The following ROBO2 variants were observed in gnomAD, a reference collection of about 807,000 sequenced individuals.
ROBO2 encodes roundabout guidance receptor 2.
In ROBO2, 53 loss-of-function variants were observed where a neutral mutation model predicts 160.8. The ratio of observed to expected loss-of-function variants is 0.33; its 90% CI spans 0.26 to 0.41. ROBO2 has a LOEUF of 0.41. ROBO2 is among the 10% of genes least tolerant of loss of function. ROBO2 has a pLI of 1.00. For synonymous variants in ROBO2, 664 were observed against 611.7 expected (o/e 1.09, Z -1.26); for missense variants, 1,577 against 1,722.4 (o/e 0.92, Z 1.49).
At chr3:76,343,180 G>T (rs994444276) in intron 2 of ROBO2, among the ~76,000 whole-genome samples, 2 of 151,990 alleles carry the variant, frequency 1.3e-5, no homozygotes, top group South Asian at 4.2e-4. Context: ...GTATGGTGTG[G>T]TATATTTATT....
intron 2 of ROBO2, among the ~76,000 whole-genome samples, chr3:75,962,772 G>T (rs1451001428): frequency 6.6e-6 from 1 of 151,688 alleles, no homozygotes; most frequent in African/African-American, 2.4e-5. Context: ...ATTCTTTCGT[G>T]CTGTGTGAAA....
At chr3:77,543,206 C>G (rs1213920318) in intron 6 of ROBO2, among the ~76,000 whole-genome samples, 1 of 152,076 alleles carries the variant, frequency 6.6e-6, no homozygotes, top group African/African-American at 2.4e-5. Context: ...CTCTTTCTCC[C>G]CCAGTGCCAT....
At chr3:77,551,313 G>C (rs1381682075) in intron 8 of ROBO2, among the ~76,000 whole-genome samples, 1 of 152,004 alleles carries the variant, frequency 6.6e-6, no homozygotes, top group South Asian at 2.1e-4. Context: ...GACATGATTG[G>C]CTCTACTAGA....
intron 2 of ROBO2, among the ~76,000 whole-genome samples, chr3:76,388,940 C>T (rs1056211034): frequency 1.3e-5 from 2 of 151,986 alleles, no homozygotes; most frequent in Admixed American, 1.3e-4. Context: ...ACTTTCTGTG[C>T]CCACTTTAAT....
At chr3:76,817,357 A>G (rs1289567070) in intron 2 of ROBO2, among the ~76,000 whole-genome samples, 1 of 152,122 alleles carries the variant, frequency 6.6e-6, no homozygotes, top group African/African-American at 2.4e-5. Flanking sequence ...CTATAAAGTT[A>G]GGCATTTTTG....
At chr3:76,769,224 G>A (rs1454487459) in intron 2 of ROBO2, among the ~76,000 whole-genome samples, 4 of 151,362 alleles carry the variant, frequency 2.6e-5, no homozygotes, top group African/African-American at 7.3e-5. Context: ...AATGAAAAAC[G>A]AATATATGTA....
intron 2 of ROBO2, among the ~76,000 whole-genome samples, chr3:76,201,547 A>G (rs1702528541): frequency 6.6e-6 from 1 of 152,182 alleles, no homozygotes; most frequent in Non-Finnish European, 1.5e-5. Flanking sequence ...GCCATTGTAA[A>G]CAATTGCCAG....
At position 76,670,284 on chromosome 3, in the gene ROBO2, T is replaced by C. The variant is rs141491098; in HGVS notation, c.110-427730T>C. Among the ~76,000 whole-genome samples the C allele has an allele frequency of 1.3e-3, 197 of 151,934 alleles. 1 individual carries two copies. The highest frequency in any genetic ancestry group is 2.0e-3 in the Non-Finnish European group (133 of 67,994). On this transcript the variant is annotated intron_variant, in intron 2 of 26. Transcript: ENST00000487694. The stretch of plus-strand genomic sequence containing the variant: ...TATGAATTTCCCTGGTTTTAATAAG[T>C]TTTATTTAAGAAAGAATGACATAAA...
intron 13 of ROBO2, among the ~76,000 whole-genome samples, chr3:77,569,589 A>G (rs1016360929): frequency 4.6e-5 from 7 of 151,982 alleles, no homozygotes; most frequent in African/African-American, 1.7e-4. Context: ...ATAAGTGTCT[A>G]TATAGTCTAG....
At chr3:76,078,057 A>G (rs2068699733) in intron 2 of ROBO2, among the ~76,000 whole-genome samples, 1 of 152,210 alleles carries the variant, frequency 6.6e-6, no homozygotes, top group African/African-American at 2.4e-5. Context: ...TCAAAATTTC[A>G]CAATACTGGA....
chr3:76,067,147 C>T (rs551431471), intron 2 of ROBO2, among the ~76,000 whole-genome samples: 1 of 152,094 alleles, frequency 6.6e-6, no homozygotes, highest in South Asian at 2.1e-4. Context: ...TGGTTTGAAT[C>T]CCAGATTTGA....
At chr3:76,068,331 C>G (rs1241380097) in intron 2 of ROBO2, among the ~76,000 whole-genome samples, 2 of 152,140 alleles carry the variant, frequency 1.3e-5, no homozygotes, top group East Asian at 3.9e-4. Context: ...TCTGTAACAT[C>G]TCAGGCTTTT....
intron 2 of ROBO2, among the ~76,000 whole-genome samples, chr3:76,505,027 G>T (rs747650256): frequency 6.6e-6 from 1 of 152,100 alleles, no homozygotes; most frequent in Non-Finnish European, 1.5e-5. Flanking sequence ...TAAATGAGCA[G>T]TGTGGGCAAA....
chr3:76,827,373 G>A (rs771213498), intron 2 of ROBO2, among the ~76,000 whole-genome samples: 1 of 152,122 alleles, frequency 6.6e-6, no homozygotes, highest in Non-Finnish European at 1.5e-5. Flanking sequence ...TAGTATATAT[G>A]TAATAGCCCA....
intron 2 of ROBO2, among the ~76,000 whole-genome samples, chr3:76,649,477 A>G (rs933673727): frequency 6.8e-6 from 1 of 146,880 alleles, no homozygotes; most frequent in Non-Finnish European, 1.5e-5. Context: ...CTGAGTGTCA[A>G]TATTTCACAT....
chr3:77,349,645 G>T (rs895732372), intron 2 of ROBO2, among the ~76,000 whole-genome samples: 1 of 152,128 alleles, frequency 6.6e-6, no homozygotes, highest in Non-Finnish European at 1.5e-5. Flanking sequence ...ACTCCAAAGC[G>T]AAAGTTGGGC....
intron 2 of ROBO2, among the ~76,000 whole-genome samples, chr3:76,328,022 A>T (rs1340533872): frequency 6.6e-6 from 1 of 152,150 alleles, no homozygotes; most frequent in Non-Finnish European, 1.5e-5. Flanking sequence ...AAGGGGAAAA[A>T]AAAAGAAGAA....
chr3:76,015,139 G>A (rs1361212312), intron 2 of ROBO2, among the ~76,000 whole-genome samples: 1 of 152,032 alleles, frequency 6.6e-6, no homozygotes, highest in African/African-American at 2.4e-5. Flanking sequence ...ATCACACTAT[G>A]TACTTACCCT....
rs200353960 is a variant in ROBO2, at chr3:77,477,487, C to T, written c.462C>T (p.Cys154=). The change falls in exon 3 of 26, where the codon TGC becomes TGT. Residue 154 remains cysteine, a synonymous_variant. Transcript: ENST00000461745. ...CTGGAGAGCCTGCAATCCTGGAGTG[C>T]CAGCCTCCCCGGGGACACCCAGAAC... The T allele has an allele frequency of 4.2e-4, 675 of 1,613,908 alleles. 2 individuals carry two copies. Among genetic ancestry groups the T allele is most frequent in the East Asian group, 1.6e-3 (70 of 44,862 alleles).
Sources: allele counts gnomAD v4.1 joint callset (sites outside exome capture counted in the v4.1 genomes callset), GRCh38; gene constraint gnomAD v4.1.1; transcripts MANE v1.5; gene names NCBI Gene and HGNC (gene_info 2026-07-23, HGNC 2026-07-21).